MTUS2: variants seen among roughly 807,000 people sequenced by gnomAD.
MTUS2 encodes microtubule-associated tumor suppressor candidate 2.
MTUS2 carries 40 observed loss-of-function variants against 114.1 expected under a neutral mutation model. That is an observed-to-expected ratio of 0.35 (90% CI 0.27 to 0.46). MTUS2 has a LOEUF of 0.46. Among genes scored for constraint, MTUS2 ranks in the 20% least tolerant of loss-of-function variants. The pLI is 1.00. For synonymous variants in MTUS2, 688 were observed against 672.0 expected (o/e 1.02, Z -0.37); for missense variants, 1,679 against 1,705.4 (o/e 0.98, Z 0.27).
chr13:28,886,730 G>A (rs984983536), intron 2 of MTUS2, among the ~76,000 whole-genome samples: 11 of 152,202 alleles, frequency 7.2e-5, no homozygotes, highest in African/African-American at 2.7e-4. Flanking sequence ...GAAACTCACT[G>A]ATAAGTAAGG....
intron 5 of MTUS2, among the ~76,000 whole-genome samples, chr13:29,211,001 T>C (rs1404563405): frequency 1.3e-5 from 2 of 152,082 alleles, no homozygotes; most frequent in Non-Finnish European, 1.5e-5. Context: ...AGTATTTGGT[T>C]TCTTTGGTGA....
At chr13:28,972,247 C>T (rs1028475113) in intron 2 of MTUS2, among the ~76,000 whole-genome samples, 3 of 152,204 alleles carry the variant, frequency 2.0e-5, no homozygotes, top group Non-Finnish European at 4.4e-5. Context: ...CAGCCCTTGG[C>T]ATCACAGCAG....
At chr13:29,124,892 A>G (rs1891453330) in intron 5 of MTUS2, among the ~76,000 whole-genome samples, 1 of 152,212 alleles carries the variant, frequency 6.6e-6, no homozygotes. Context: ...ACTCAGATTC[A>G]TAGAGACGGA....
intron 5 of MTUS2, among the ~76,000 whole-genome samples, chr13:29,148,817 A>G (rs1445357184): frequency 6.6e-6 from 1 of 151,782 alleles, no homozygotes; most frequent in African/African-American, 2.4e-5. Context: ...TTTGCTGAGG[A>G]TAATGGCTTC....
chr13:28,852,679 A>G (rs1754987064), intron 2 of MTUS2, among the ~76,000 whole-genome samples: 1 of 152,106 alleles, frequency 6.6e-6, no homozygotes, highest in African/African-American at 2.4e-5. Flanking sequence ...AGCCTGGGCA[A>G]CATAGTGAAA....
intron 5 of MTUS2, among the ~76,000 whole-genome samples, chr13:29,270,354 TCAGACGCGGTGGA>T (rs1897836823): frequency 6.6e-6 from 1 of 152,138 alleles, no homozygotes; most frequent in Non-Finnish European, 1.5e-5. Flanking sequence ...AAGGGAGGTC[TCAGACGCGGTGGA>T]CAGCATCCTC....
chr13:29,418,272 T>A (rs1875824097), intron 8 of MTUS2, among the ~76,000 whole-genome samples: 1 of 152,102 alleles, frequency 6.6e-6, no homozygotes, highest in East Asian at 1.9e-4. Context: ...CAGTAGAAAT[T>A]TTCAGTAGTG....
chr13:29,306,256 C>A (rs914376493), intron 6 of MTUS2, among the ~76,000 whole-genome samples: 1 of 152,196 alleles, frequency 6.6e-6, no homozygotes, highest in African/African-American at 2.4e-5. Flanking sequence ...CTCACCACTC[C>A]TATTCAACAT....
At chr13:29,167,396 C>T (rs1239374802) in intron 5 of MTUS2, among the ~76,000 whole-genome samples, 1 of 143,422 alleles carries the variant, frequency 7.0e-6, no homozygotes, top group Non-Finnish European at 1.5e-5. Flanking sequence ...AGAAGGATTT[C>T]TAATAATGTA....
intron 7 of MTUS2, among the ~76,000 whole-genome samples, chr13:29,331,379 C>G (rs1900771209): frequency 6.6e-6 from 1 of 152,170 alleles, no homozygotes. Flanking sequence ...ATGTAATCTG[C>G]AGAGACAGTT....
intron 2 of MTUS2, among the ~76,000 whole-genome samples, chr13:28,910,748 A>G (rs1199927986): frequency 2.7e-5 from 4 of 148,324 alleles, no homozygotes; most frequent in Admixed American, 6.8e-5. Flanking sequence ...TCCATAATGT[A>G]TATGTATCAC....
intron 2 of MTUS2, among the ~76,000 whole-genome samples, chr13:28,851,381 A>C (rs1215622623): frequency 6.6e-6 from 1 of 152,248 alleles, no homozygotes; most frequent in African/African-American, 2.4e-5. Flanking sequence ...TCCCAAAGCC[A>C]TGGCATTGGC....
Position 29,503,163 on chromosome 13 carries a change from CG to C in MTUS2, c.4071del (p.Ser1359ProfsTer76). 4 of 1,614,202 alleles carry C rather than the reference CG, an allele frequency of 2.5e-6. No homozygotes were observed. The highest frequency in any genetic ancestry group is 3.4e-6 in the Non-Finnish European group (4 of 1,180,050). On this transcript the variant is annotated frameshift_variant, in exon 16 of 16. Transcript: ENST00000612955. LOFTEE classifies it high-confidence loss of function. Reference sequence around the variant, plus strand: ...TCTCCCGTTTACCGCGGCTCCTCCTCGGGGCCCTCCTCTCCGGCCAGAGTCA... The same window carrying C: ...TCTCCCGTTTACCGCGGCTCCTCCTCGGGCCCTCCTCTCCGGCCAGAGTCA... ...PTSPVYRGSS[S>X]GPSSPARVST...
chr13:29,343,697 G>A (rs1868386017), intron 7 of MTUS2, among the ~76,000 whole-genome samples: 1 of 62,466 alleles, frequency 1.6e-5, no homozygotes, highest in African/African-American at 2.8e-5. Context: ...CTGGATTTCA[G>A]TTTGGTTTGT....
chr13:29,263,043 A>G (rs1897536510), intron 5 of MTUS2, among the ~76,000 whole-genome samples: 1 of 152,236 alleles, frequency 6.6e-6, no homozygotes, highest in Non-Finnish European at 1.5e-5. Flanking sequence ...ATTTAACAAA[A>G]GAGGATTAAT....
intron 5 of MTUS2, among the ~76,000 whole-genome samples, chr13:29,191,308 AT>A (rs968628661): frequency 6.3e-4 from 96 of 152,064 alleles, no homozygotes; most frequent in African/African-American, 2.1e-3. Context: ...CTGAGATACC[AT>A]TTTTTTATAT....
intron 5 of MTUS2, among the ~76,000 whole-genome samples, chr13:29,186,450 G>A (rs1260398003): frequency 6.6e-6 from 1 of 152,140 alleles, no homozygotes; most frequent in Non-Finnish European, 1.5e-5. Flanking sequence ...TGGGAAAAAT[G>A]TAAACAGGAT....
At chr13:29,416,616 A>G (rs143844771) in intron 8 of MTUS2, among the ~76,000 whole-genome samples, 2 of 152,292 alleles carry the variant, frequency 1.3e-5, no homozygotes, top group East Asian at 3.9e-4. Flanking sequence ...AAAAACTCAC[A>G]GTTTCAAGAT....
chr13:29,184,304 T>C (rs1322912481), intron 5 of MTUS2, among the ~76,000 whole-genome samples: 2 of 152,194 alleles, frequency 1.3e-5, no homozygotes, highest in African/African-American at 4.8e-5. Context: ...CCTTATTTCC[T>C]CACCTTCCAA....
Sources: allele counts gnomAD v4.1 joint callset (sites outside exome capture counted in the v4.1 genomes callset), GRCh38; gene constraint gnomAD v4.1.1; transcripts MANE v1.5; gene names NCBI Gene and HGNC (gene_info 2026-07-23, HGNC 2026-07-21).